Variants in MILR1 observed in about 807,000 individuals in gnomAD.
MILR1 encodes the protein allergin-1.
MILR1 carries 31 observed loss-of-function variants against 18.5 expected under a neutral mutation model. That is an observed-to-expected ratio of 1.68 (90% CI 1.26 to 2.26). The LOEUF is 2.26. Among genes scored for constraint, MILR1 ranks in the 30% most tolerant of loss-of-function variants. The pLI is 0.00. For synonymous variants in MILR1, 85 were observed against 56.2 expected (o/e 1.51, Z -2.30); for missense variants, 257 against 157.4 (o/e 1.63, Z -3.38).
At chr17:64,483,492 C>T in the MILR1 span, among the ~76,000 whole-genome samples, 7 of 148,280 alleles carry the variant, frequency 4.7e-5, no homozygotes, top group South Asian at 2.1e-4. Context: ...CTAGTCTGGG[C>T]GACAGAGTGA....
chr17:64,480,542 C>T, the MILR1 span, among the ~76,000 whole-genome samples: 2 of 152,182 alleles, frequency 1.3e-5, no homozygotes, highest in African/African-American at 4.8e-5. Flanking sequence ...ACTTCCATAT[C>T]ATATACTTTA....
At chr17:64,496,450 G>A in the MILR1 span, 25 of 1,591,924 alleles carry the variant, frequency 1.6e-5, no homozygotes, top group Non-Finnish European at 1.6e-5. Context: ...TTTTTAATAC[G>A]TTCTCAAGAA....
chr17:64,485,482 T>A, the MILR1 span: 1 of 498,416 alleles, frequency 2.0e-6, no homozygotes, highest in Non-Finnish European at 3.6e-6. Context: ...GTCATAGAGA[T>A]AGCTGTCTGT....
At chr17:64,483,007 A>C in the MILR1 span, 1 of 1,502,600 alleles carries the variant, frequency 6.7e-7, no homozygotes, top group Non-Finnish European at 9.2e-7. Flanking sequence ...TACCTAAGGC[A>C]ATTAAATGGG....
At chr17:64,474,856 G>A in the MILR1 span, among the ~76,000 whole-genome samples, 1 of 151,990 alleles carries the variant, frequency 6.6e-6, no homozygotes, top group Non-Finnish European at 1.5e-5. Context: ...CTCTACAGTA[G>A]TTATTAGAAG....
At chr17:64,478,186 T>C in the MILR1 span, among the ~76,000 whole-genome samples, 1 of 152,350 alleles carries the variant, frequency 6.6e-6, no homozygotes, top group East Asian at 1.9e-4. Context: ...TTCTAACTTA[T>C]TGCTAGAGCT....
chr17:64,453,228 C>T (rs1479084841), intron 3 of MILR1, among the ~76,000 whole-genome samples: 5 of 151,918 alleles, frequency 3.3e-5, no homozygotes, highest in Admixed American at 1.3e-4. Context: ...ATCACCACGC[C>T]TGGCTAATTT....
the MILR1 span, among the ~76,000 whole-genome samples, chr17:64,476,789 A>G: frequency 6.6e-6 from 1 of 152,024 alleles, no homozygotes; most frequent in Non-Finnish European, 1.5e-5. Flanking sequence ...GGAGTGAAAG[A>G]TCAGCTTAGC....
the MILR1 span, among the ~76,000 whole-genome samples, chr17:64,492,166 T>C: frequency 2.0e-5 from 3 of 152,218 alleles, no homozygotes; most frequent in Non-Finnish European, 4.4e-5. Context: ...TGCGAAGTTC[T>C]TGATGACTCG....
intron 4 of MILR1, among the ~76,000 whole-genome samples, chr17:64,459,547 G>A (rs994034874): frequency 6.6e-6 from 1 of 152,204 alleles, no homozygotes; most frequent in Non-Finnish European, 1.5e-5. Context: ...CAGAGCCCAC[G>A]CCCTGGTATT....
intron 3 of MILR1, among the ~76,000 whole-genome samples, chr17:64,453,504 T>C (rs1353313668): frequency 1.3e-5 from 2 of 151,980 alleles, no homozygotes; most frequent in Non-Finnish European, 2.9e-5. Flanking sequence ...AGAAACTTTA[T>C]TCTGTGATTC....
At chr17:64,471,515 T>C (rs2037686880), downstream of MILR1, among the ~76,000 whole-genome samples, 1 of 152,130 alleles carries the variant, frequency 6.6e-6, no homozygotes, top group South Asian at 2.1e-4. Flanking sequence ...ATTGTGCAAT[T>C]GAAGCAAGAC....
intron 5 of MILR1, among the ~76,000 whole-genome samples, chr17:64,464,959 A>G (rs1377804683): frequency 3.3e-5 from 5 of 152,180 alleles, no homozygotes; most frequent in African/African-American, 9.6e-5. Flanking sequence ...ATGGTGGTGC[A>G]CAACTGTAAT....
At position 64,449,161 on chromosome 17, in the gene MILR1, C is replaced by T. The variant is rs2037109594; in HGVS notation, c.-8C>T. On this transcript the variant is annotated 5_prime_UTR_variant, in exon 1 of 10. Coordinates refer to ENST00000619286, the MANE Select transcript of MILR1 (RefSeq NM_001085423.2). Reference sequence around the variant, plus strand: ...CTTCTGACCCCGTCTTGGACTTCAACTGGGAGAATGTGGAGCCATTTGAAC... The same window carrying T: ...CTTCTGACCCCGTCTTGGACTTCAATTGGGAGAATGTGGAGCCATTTGAAC... The T allele has an allele frequency of 2.1e-6, 1 of 469,484 alleles. No homozygotes were observed. Among genetic ancestry groups the T allele is most frequent in the Admixed American group, 3.2e-5 (1 of 30,812 alleles). 29.1% of individuals were successfully genotyped at this position (469,484 alleles called of 1,614,324 possible).
the MILR1 span, chr17:64,480,213 ATTTG>A: frequency 9.0e-6 from 4 of 444,490 alleles, no homozygotes. Flanking sequence ...TTTAGAAGAG[ATTTG>A]TTTCTGTAAT....
the MILR1 span, among the ~76,000 whole-genome samples, chr17:64,486,485 C>A: frequency 6.6e-6 from 1 of 152,012 alleles, no homozygotes; most frequent in Admixed American, 6.6e-5. Context: ...CCTCAGTCTC[C>A]TGAGTAGCTA....
chr17:64,496,368 C>A, the MILR1 span: 1 of 1,390,590 alleles, frequency 7.2e-7, no homozygotes, highest in Non-Finnish European at 9.9e-7. Flanking sequence ...CGCCTTTCCA[C>A]CCGACACCTG....
chr17:64,466,006 A>T (rs1402601668), intron 6 of MILR1, among the ~76,000 whole-genome samples: 7 of 152,220 alleles, frequency 4.6e-5, no homozygotes, highest in African/African-American at 1.4e-4. Context: ...TAAAGGAAAG[A>T]GGTTTAATTG....
chr17:64,485,266 G>A, the MILR1 span: 1 of 171,516 alleles, frequency 5.8e-6, no homozygotes, highest in Non-Finnish European at 1.2e-5. Flanking sequence ...GCATGTTCAT[G>A]CACTAAAATC....
Sources: allele counts gnomAD v4.1 joint callset (sites outside exome capture counted in the v4.1 genomes callset), GRCh38; gene constraint gnomAD v4.1.1; transcripts MANE v1.5; gene names NCBI Gene and HGNC (gene_info 2026-07-23, HGNC 2026-07-21).